Variants in SAMMSON observed in about 807,000 individuals in gnomAD.
SAMMSON encodes the protein long intergenic non-protein coding RNA 1212.
chr3:70,369,487 A>AT (rs1206551001), intron 9 of SAMMSON, among the ~76,000 whole-genome samples: 1 of 150,212 alleles, frequency 6.7e-6, no homozygotes. Flanking sequence ...AAGCAGTTTA[A>AT]TTTTTTTTCC....
intron 4 of SAMMSON, among the ~76,000 whole-genome samples, chr3:70,232,441 C>G (rs188274480): frequency 6.6e-6 from 1 of 150,980 alleles, no homozygotes; most frequent in East Asian, 2.0e-4. Flanking sequence ...CTCGCTCTGT[C>G]GCCAGGCTGG....
intron 3 of SAMMSON, chr3:70,068,267 C>T (rs1237763464): frequency 6.6e-6 from 1 of 152,010 alleles, no homozygotes; most frequent in Admixed American, 6.6e-5. Context: ...TTCTGAATCA[C>T]CAACCATTTC....
intron 4 of SAMMSON, among the ~76,000 whole-genome samples, chr3:70,218,949 TA>T (rs1418249256): frequency 1.3e-5 from 2 of 152,002 alleles, no homozygotes; most frequent in African/African-American, 4.8e-5. Context: ...TTTCAGGTCT[TA>T]AAAATAACAG....
At chr3:70,302,617 G>T (rs146343778) in intron 7 of SAMMSON, 1 of 152,006 alleles carries the variant, frequency 6.6e-6, no homozygotes, top group African/African-American at 2.4e-5. Context: ...CTTCCTATTG[G>T]GACTGGAGGA....
At chr3:70,019,519 G>A (rs1053352545) in intron 3 of SAMMSON, among the ~76,000 whole-genome samples, 1 of 152,112 alleles carries the variant, frequency 6.6e-6, no homozygotes, top group Non-Finnish European at 1.5e-5. Context: ...GCACTGATGG[G>A]TCTTGACTCT....
intron 1 of SAMMSON, among the ~76,000 whole-genome samples, chr3:70,011,933 C>T (rs924432884): frequency 6.6e-5 from 10 of 151,930 alleles, no homozygotes; most frequent in South Asian, 2.1e-4. Flanking sequence ...GAAATAAATT[C>T]CCAGAGATGA....
chr3:70,234,433 G>T (rs929900894), intron 4 of SAMMSON, among the ~76,000 whole-genome samples: 4 of 151,976 alleles, frequency 2.6e-5, no homozygotes, highest in Non-Finnish European at 4.4e-5. Context: ...TGGATTTCTT[G>T]AGCCCAGGAG....
intron 2 of SAMMSON, among the ~76,000 whole-genome samples, chr3:70,426,636 C>T (rs553821953): frequency 2.6e-5 from 4 of 152,314 alleles, no homozygotes; most frequent in Non-Finnish European, 4.4e-5. Flanking sequence ...GAAAATTCCT[C>T]TTCCTGTAAT....
At chr3:70,362,152 T>C (rs1303327425) in intron 9 of SAMMSON, among the ~76,000 whole-genome samples, 1 of 152,184 alleles carries the variant, frequency 6.6e-6, no homozygotes, top group Non-Finnish European at 1.5e-5. Context: ...TCAAAGTCTT[T>C]ACTTGGGGAA....
At chr3:70,425,225 C>T (rs1701352108) in intron 2 of SAMMSON, 2 of 151,908 alleles carry the variant, frequency 1.3e-5, no homozygotes, top group Non-Finnish European at 2.9e-5. Context: ...TTTCATTTGT[C>T]GAATAAGAAT....
intron 4 of SAMMSON, among the ~76,000 whole-genome samples, chr3:70,178,146 T>C (rs569390495): frequency 6.6e-6 from 1 of 152,176 alleles, no homozygotes; most frequent in Non-Finnish European, 1.5e-5. Flanking sequence ...GGCTGTCCTA[T>C]TGTCTTATGA....
At chr3:70,171,239 A>C (rs1400849278) in intron 4 of SAMMSON, among the ~76,000 whole-genome samples, 1 of 151,836 alleles carries the variant, frequency 6.6e-6, no homozygotes, top group African/African-American at 2.4e-5. Context: ...TGAACATCAA[A>C]ATTTTAAAAG....
chr3:70,145,110 T>C (rs147985204), intron 4 of SAMMSON, among the ~76,000 whole-genome samples: 470 of 152,188 alleles, frequency 3.1e-3, no homozygotes, highest in Non-Finnish European at 4.1e-3. Context: ...GCTGCAGCCA[T>C]AGAAAATCTC....
intron 7 of SAMMSON, among the ~76,000 whole-genome samples, chr3:70,327,358 A>C (rs1249871419): frequency 6.6e-6 from 1 of 152,188 alleles, no homozygotes; most frequent in Non-Finnish European, 1.5e-5. Context: ...GTGACCCCTG[A>C]GGAAGGAAAA....
intron 4 of SAMMSON, among the ~76,000 whole-genome samples, chr3:70,231,875 A>ATG (rs1017772231): frequency 6.6e-6 from 1 of 152,108 alleles, no homozygotes; most frequent in Non-Finnish European, 1.5e-5. Context: ...TGATGTGTGC[A>ATG]TGTGTGTGTG....
chr3:70,118,331 C>T (rs2067419806), intron 4 of SAMMSON, among the ~76,000 whole-genome samples: 1 of 152,166 alleles, frequency 6.6e-6, no homozygotes, highest in Non-Finnish European at 1.5e-5. Flanking sequence ...CAGATAGTTT[C>T]TCCATTGTTG....
At position 70,165,955 on chromosome 3, in the gene SAMMSON, G is replaced by A. The variant is rs148862494; in HGVS notation, n.508-83152G>A. 3.7e-3 allele frequency among the ~76,000 whole-genome samples: 564 copies of A among 152,020 alleles called. 3 individuals carry two copies. The highest frequency in any genetic ancestry group is 5.8e-3 in the Non-Finnish European group (391 of 67,940). On this transcript the variant is annotated intron_variant and non_coding_transcript_variant, in intron 4 of 9. Coordinates refer to ENST00000642114, the Ensembl canonical transcript of SAMMSON. ...TCCAGATTTTGCACTAATTAATTATGGGAAATTTAGACAGGACATTTAATT... is the reference window on the plus strand; with the variant it reads ...TCCAGATTTTGCACTAATTAATTATAGGAAATTTAGACAGGACATTTAATT...
chr3:70,325,082 G>A (rs1702568964), intron 7 of SAMMSON, among the ~76,000 whole-genome samples: 2 of 152,134 alleles, frequency 1.3e-5, no homozygotes, highest in South Asian at 4.1e-4. Flanking sequence ...GTTAGTTGTG[G>A]AAGGGACGAT....
intron 4 of SAMMSON, among the ~76,000 whole-genome samples, chr3:70,081,690 G>A (rs1189251934): frequency 6.6e-6 from 1 of 152,142 alleles, no homozygotes; most frequent in Non-Finnish European, 1.5e-5. Context: ...GTCACTTAAA[G>A]GAACCTTCTG....
Sources: allele counts gnomAD v4.1 joint callset (sites outside exome capture counted in the v4.1 genomes callset), GRCh38; gene constraint gnomAD v4.1.1; transcripts MANE v1.5; gene names NCBI Gene and HGNC (gene_info 2026-07-23, HGNC 2026-07-21).